Variants in DNAH10 observed in about 807,000 individuals in gnomAD.
DNAH10 encodes the protein axonemal beta dynein heavy chain 10.
DNAH10 carries 348 observed loss-of-function variants against 506.6 expected under a neutral mutation model. That is an observed-to-expected ratio of 0.69 (90% CI 0.63 to 0.75). The LOEUF (loss-of-function observed/expected upper bound fraction) is 0.75. Ranked by LOEUF, DNAH10 falls within the 30% of genes least tolerant of loss-of-function variation. The pLI is 0.00. For synonymous variants in DNAH10, 2,059 were observed against 2,198.6 expected, an observed-to-expected ratio of 0.94 and a Z score of 1.78; for missense variants, 5,179 against 5,787.1, an observed-to-expected ratio of 0.89 and a Z score of 3.41.
chr12:123,843,330 T>G (rs372692051), intron 30 of DNAH10, among the ~76,000 whole-genome samples: 1 of 152,162 alleles, frequency 6.6e-6, no homozygotes. Context: ...TCATTTAATC[T>G]TCTCTGATCC....
intron 3 of DNAH10, among the ~76,000 whole-genome samples, chr12:123,772,001 C>G (rs1231066377): frequency 6.6e-6 from 1 of 152,200 alleles, no homozygotes; most frequent in Non-Finnish European, 1.5e-5. Context: ...TCCATCTGTT[C>G]CCTCCCAATG....
At chr12:123,873,511 A>T in intron 45 of DNAH10, 47 bp from the exon 46 acceptor site, 1 of 1,567,846 alleles carries the variant, frequency 6.4e-7, no homozygotes, top group Non-Finnish European at 8.6e-7. Context: ...TACTGCTGCT[A>T]CCCTGGGGAA....
chr12:123,804,907 G>T lies in DNAH10; in HGVS notation c.2854G>T (p.Ala952Ser). 2 of 1,613,930 alleles carry T rather than the reference G, an allele frequency of 1.2e-6. No individual in the cohort carries two copies. Among genetic ancestry groups the T allele is most frequent in the Non-Finnish European group, 8.5e-7 (1 of 1,180,038 alleles). ...GGACCACATGGTCCGGTGGTATCTTGCCATTGGACCACTGCTGACCAAAGT... is the reference window on the plus strand; with the variant it reads ...GGACCACATGGTCCGGTGGTATCTTTCCATTGGACCACTGCTGACCAAAGT... The part of the protein sequence containing the change: ...DVDHMVRWYL[A>S]IGPLLTKVEG... Residue 952 changes from alanine (A) to serine (S), a missense_variant, in exon 18 of 79, where the codon GCC becomes TCC. Ala to Ser is a moderately conservative substitution (Grantham distance 99). Around this residue, in one of 3 missense-constraint regions of DNAH10, gnomAD observed 4,844 missense variants for 5,430.5 expected, o/e 0.89. Transcript: ENST00000673944.
intron 18 of DNAH10, among the ~76,000 whole-genome samples, chr12:123,806,374 C>T (rs1280461603): frequency 6.6e-6 from 1 of 152,166 alleles, no homozygotes; most frequent in East Asian, 1.9e-4. Context: ...GGTTAAGTGA[C>T]TCGTCCGGGA....
chr12:123,928,171 G>T lies in DNAH10; in HGVS notation c.12106-216G>T. ...TGCAAAATGCTCACCCATCTTCCAG[G>T]CTGGGTGTGACCAGCTCAGTGCACC... On this transcript the variant is annotated intron_variant, in intron 69 of 78. Coordinates refer to ENST00000673944, the MANE Select transcript of DNAH10 (RefSeq NM_001372106.1). This position sits in a 1 kb window ranked among gnomAD's most constrained non-coding sequence, Gnocchi z 4.9. 1.6e-6 allele frequency: 1 copy of T among 606,340 alleles called. No homozygotes were observed. Among genetic ancestry groups the T allele is most frequent in the East Asian group, 2.8e-5 (1 of 36,084 alleles). The allele number at this position is 606,340 out of a possible 1,614,324, so 37.6% of individuals were successfully genotyped here. A position where few individuals can be genotyped will look rare whatever the true frequency, so the allele number is the denominator to read the frequency against.
intron 76 of DNAH10, 94 bp from the exon 77 acceptor site, chr12:123,933,237 T>G: frequency 1.6e-6 from 2 of 1,219,056 alleles, no homozygotes; most frequent in East Asian, 3.1e-5. Flanking sequence ...AGGTGAAATA[T>G]GTCTTTTATC....
intron 12 of DNAH10, 51 bp downstream of exon 12, chr12:123,794,163 A>C: frequency 9.3e-7 from 1 of 1,070,250 alleles, no homozygotes; most frequent in Non-Finnish European, 1.2e-6. Flanking sequence ...ACTTGGCAAA[A>C]TGTGAACAAT....
chr12:123,830,498 TC>T (rs767845133), intron 25 of DNAH10, 47 bp from the exon 26 acceptor site: 2 of 1,554,784 alleles, frequency 1.3e-6, no homozygotes, highest in Non-Finnish European at 1.7e-6. Context: ...ATTGAACTCC[TC>T]ACTAAATTCA....
At chr12:123,826,093 C>T (rs1959957392) in intron 24 of DNAH10, among the ~76,000 whole-genome samples, 1 of 151,890 alleles carries the variant, frequency 6.6e-6, no homozygotes, top group Admixed American at 6.6e-5. Context: ...CATTGCACTA[C>T]AGCCTGGGTG....
Position 123,931,746 on chromosome 12 carries a change from G to A in DNAH10, c.13027G>A (p.Gly4343Arg), listed in dbSNP as rs758694808. The A allele has an allele frequency of 5.5e-5, 89 of 1,613,854 alleles. No individual in the cohort carries two copies. Among genetic ancestry groups the A allele is most frequent in the East Asian group, 3.6e-4 (16 of 44,896 alleles). The change falls in exon 75 of 79, where the codon GGA (glycine) becomes AGA (arginine). Residue 4343 changes from glycine to arginine, a missense_variant. Around this residue, in one of 3 missense-constraint regions of DNAH10, gnomAD observed 4,844 missense variants for 5,430.5 expected, o/e 0.89. Coordinates refer to ENST00000673944, the MANE Select transcript of DNAH10 (RefSeq NM_001372106.1). The part of the protein sequence containing the change: ...FDLDQVRKRL[G>R]TGLSPTSVVL... ...CTTGGACCAGGTGAGGAAGCGCCTC[G>A]GAACAGGACTCTCCCCCACTTCGGT...
At chr12:123,840,028 G>A (rs1950711358) in intron 29 of DNAH10, among the ~76,000 whole-genome samples, 1 of 152,000 alleles carries the variant, frequency 6.6e-6, no homozygotes, top group South Asian at 2.1e-4. Flanking sequence ...CTGAGCCTCG[G>A]CGCTGCTGGC....
In DNAH10 at chr12:123,851,034, C is replaced by T; in HGVS notation, c.6249C>T (p.Ile2083=). 1 of 1,613,170 alleles carries T rather than the reference C, an allele frequency of 6.2e-7. No individual in the cohort carries two copies. Among genetic ancestry groups the T allele is most frequent in the South Asian group, 1.1e-5 (1 of 90,990 alleles). The part of the protein sequence containing the change: ...VVVIVPDLQQ[I]CEIMLFSEGF... ...TGATCGTGCCCGACCTGCAGCAGAT[C>T]TGTGAGATCATGCTCTTCTCTGAGG... The change falls in exon 35 of 79, where the codon ATC becomes ATT. Residue 2083 remains isoleucine (I), a synonymous_variant. Coordinates refer to ENST00000673944, the MANE Select transcript of DNAH10 (RefSeq NM_001372106.1).
intron 65 of DNAH10, chr12:123,922,921 A>G (rs1057214497): frequency 2.6e-5 from 4 of 152,216 alleles, no homozygotes; most frequent in African/African-American, 9.7e-5. Flanking sequence ...GGGCTTCAAC[A>G]TAGGAAGTTT....
rs35559704 is a variant in DNAH10 at position 123,865,263 on chromosome 12, A to AT, written c.7044+544dup. Reference sequence around the variant, plus strand: ...CACTATTTGCCTTTATTTTAATCTCATTTTTTTTTTTAAACTTTCTATCAT... The same window carrying AT: ...CACTATTTGCCTTTATTTTAATCTCATTTTTTTTTTTTAAACTTTCTATCAT... On this transcript the variant is annotated intron_variant, in intron 40 of 78. Transcript: ENST00000673944. 2.3e-4 allele frequency among the ~76,000 whole-genome samples: 34 copies of AT among 147,308 alleles called. 1 individual carries two copies. Among genetic ancestry groups the AT allele is most frequent in the Non-Finnish European group, 2.9e-4 (19 of 66,464 alleles).
At position 123,931,856 on chromosome 12, in the gene DNAH10, G is replaced by A; in HGVS notation, c.13128+9G>A. The A allele has an allele frequency of 6.2e-7, 1 of 1,613,804 alleles. No individual in the cohort carries two copies. The highest frequency in any genetic ancestry group is 8.5e-7 in the Non-Finnish European group (1 of 1,179,692). ...TGGCTGAACTTCAAAGGGTGAGCCT[G>A]TCTCTCATGTGCAGATTACTGCCTA... On this transcript the variant is annotated intron_variant, in intron 75 of 78. Coordinates refer to ENST00000673944, the MANE Select transcript of DNAH10 (RefSeq NM_001372106.1).
At position 123,903,141 on chromosome 12, in the gene DNAH10, CT is replaced by C. The variant is rs1953609125; in HGVS notation, c.9815+30del. Reference sequence around the variant, plus strand: ...AATGCACCTGAGCCACCATTCTGGGCTTCCATTCCACCTCTGCAAGCCAGTA... The same window carrying C: ...AATGCACCTGAGCCACCATTCTGGGCTCCATTCCACCTCTGCAAGCCAGTA... On this transcript the variant is annotated intron_variant, in intron 57 of 78. Transcript: ENST00000673944. The surrounding 1 kb of genome is among the most constrained non-coding windows in gnomAD (Gnocchi z 4.6). 6.3e-7 allele frequency: 1 copy of C among 1,582,834 alleles called. No individual in the cohort carries two copies. The highest frequency in any genetic ancestry group is 1.3e-5 in the African/African-American group (1 of 74,160).
At position 123,774,314 on chromosome 12, in the gene DNAH10, T is replaced by C. The variant is rs1379359752; in HGVS notation, c.621+50T>C. ...TCTAGTATTTCTAAAGTTGAGGTCA[T>C]GTGGTTTGTTTATTCCACAAATAGG... On this transcript the variant is annotated intron_variant, in intron 5 of 78. Transcript: ENST00000673944. 5 of 1,415,066 alleles carry C rather than the reference T, an allele frequency of 3.5e-6. No homozygotes were observed. In the East Asian group the frequency reaches 9.2e-5, roughly 26 times the overall value. The allele number at this position is 1,415,066 out of a possible 1,614,324, so 87.7% of individuals were successfully genotyped here.
At chr12:123,874,789 G>A (rs1952183608) in intron 46 of DNAH10, among the ~76,000 whole-genome samples, 1 of 152,238 alleles carries the variant, frequency 6.6e-6, no homozygotes, top group Non-Finnish European at 1.5e-5. Context: ...ACCAAGAGAA[G>A]CAGAAGTGTC....
At chr12:123,772,544 C>T (rs890159132) in intron 3 of DNAH10, among the ~76,000 whole-genome samples, 10 of 152,178 alleles carry the variant, frequency 6.6e-5, no homozygotes, top group Middle Eastern at 3.2e-3. Context: ...TTCATAAGTA[C>T]GTCCCATCTG....
Sources: allele counts gnomAD v4.1 joint callset (sites outside exome capture counted in the v4.1 genomes callset), GRCh38; gene constraint gnomAD v4.1.1; regional missense constraint gnomAD v4.1.1; non-coding constraint Gnocchi (gnomAD v3.1); transcripts MANE v1.5; gene names NCBI Gene and HGNC (gene_info 2026-07-23, HGNC 2026-07-21).